The following DIDO1 variants were observed in gnomAD, a reference collection of about 807,000 sequenced individuals.
DIDO1 encodes the protein death-inducer obliterator 1.
Under a neutral mutation model 99.4 loss-of-function variants are expected in DIDO1, and 16 were observed. The observed-to-expected ratio is 0.16, with a 90% CI of 0.11 to 0.24. The LOEUF (loss-of-function observed/expected upper bound fraction) is 0.24, where lower values mean the gene tolerates loss of function less well. DIDO1 is among the 10% of genes least tolerant of loss of function. DIDO1 has a pLI of 1.00. For missense variants in DIDO1, 2,996 were observed against 3,014.0 expected, an observed-to-expected ratio of 0.99 and a Z score of 0.14; for synonymous variants, 1,366 against 1,239.1, an observed-to-expected ratio of 1.10 and a Z score of -2.15.
rs1442666857 is a variant in DIDO1, at chr20:62,896,775, G to A, written c.1810C>T (p.Pro604Ser). ...CTGGCAGCTGAAGCACCACTCGATG[G>A]GGTAGCGGAGAGCCATGGCCTCTTG... is the stretch of plus-strand genomic sequence containing the variant. Reference protein sequence around the residue: ...IPKRPWLSATPSSGASAARQA... With the variant: ...IPKRPWLSATSSSGASAARQA... Residue 604 changes from proline to serine, a missense_variant, in exon 7 of 16, where the codon CCA becomes TCA. Physicochemically the swap from Pro to Ser is moderately conservative, Grantham distance 74 (BLOSUM62 -1). Transcript: ENST00000395343. The surrounding 1 kb of genome is among the most constrained non-coding windows in gnomAD (Gnocchi z 4.4). The A allele has an allele frequency of 6.2e-7, 1 of 1,614,110 alleles. No homozygotes were observed. Among genetic ancestry groups the A allele is most frequent in the East Asian group, 2.2e-5 (1 of 44,884 alleles).
intron 1 of DIDO1, among the ~76,000 whole-genome samples, chr20:62,917,121 G>GGCTCAA (rs1374542884): frequency 1.3e-5 from 2 of 152,104 alleles, no homozygotes; most frequent in African/African-American, 2.4e-5. Flanking sequence ...ACCACCGCCA[G>GGCTCAA]GCTCAAAGCG....
Position 62,879,068 on chromosome 20 carries a change from G to A in DIDO1, c.*165C>T. On this transcript the variant is annotated 3_prime_UTR_variant, in exon 16 of 16. Coordinates refer to ENST00000395343, the MANE Select transcript of DIDO1 (RefSeq NM_001193369.2). The surrounding 1 kb of genome is among the most constrained non-coding windows in gnomAD (Gnocchi z 6.3). ...GTTTTTTTAAAAAAGCATCAGAATT[G>A]TAAAGATGTGAAATCTTGTAAGAAA... The A allele has an allele frequency of 1.7e-6, 1 of 571,622 alleles. No homozygotes were observed. The highest frequency in any genetic ancestry group is 2.7e-6 in the Non-Finnish European group (1 of 367,394). 35.4% of individuals were successfully genotyped at this position (571,622 alleles called of 1,614,324 possible). A position where few individuals can be genotyped will look rare whatever the true frequency, so the allele number is the denominator to read the frequency against.
In DIDO1 at chr20:62,881,019, G is replaced by A. The variant is rs1235489188; in HGVS notation, c.4937C>T (p.Thr1646Met). ...AEPGEGTRPA[T>M]VGDSSARPAR... is the part of the protein sequence containing the mutation. ...AGGCCTGGCCGAGCTGTCTCCAACC[G>A]TGGCGGGGCGGGTGCCCTCCCCAGG... The change falls in exon 16 of 16, where the codon ACG becomes ATG. Residue 1646 changes from threonine (T) to methionine (M), a missense_variant. Thr to Met is a moderately conservative substitution (Grantham distance 81). This residue lies in a region of DIDO1 where 1,562 missense variants were observed against 1,412.6 expected (regional missense o/e 1.11). Transcript: ENST00000395343. The surrounding 1 kb of genome is among the most constrained non-coding windows in gnomAD (Gnocchi z 8.3). 1.4e-5 allele frequency: 23 copies of A among 1,605,230 alleles called. No homozygotes were observed. The highest frequency in any genetic ancestry group is 4.5e-5 in the East Asian group (2 of 44,806).
At position 62,909,733 on chromosome 20, in the gene DIDO1, G is replaced by C; in HGVS notation, c.1127C>G (p.Pro376Arg). ...IKGRIEKAAN[P>R]SGKKKLKIFQ... ...GATCTTGAGTTTCTTCTTGCCACTT[G>C]GATTTGCAGCTTTCTCAATTCTACC... Residue 376 changes from proline (P) to arginine (R), a missense_variant, in exon 4 of 16, where the codon CCA (proline) becomes CGA (arginine). Pro to Arg is a moderately radical substitution (Grantham distance 103, BLOSUM62 -2). Transcript: ENST00000395343. 5 of 1,613,832 alleles carry C rather than the reference G, an allele frequency of 3.1e-6. No individual in the cohort carries two copies. Among genetic ancestry groups the C allele is most frequent in the Non-Finnish European group, 4.2e-6 (5 of 1,179,732 alleles).
At chr20:62,891,833 G>A (rs2064405807) in intron 14 of DIDO1, among the ~76,000 whole-genome samples, 154 bp downstream of exon 14, 1 of 151,042 alleles carries the variant, frequency 6.6e-6, no homozygotes, top group Non-Finnish European at 1.5e-5. Context: ...TCGGCTCACT[G>A]CAAAACTTAA....
rs1317602967 is a variant in DIDO1 at position 62,880,497 on chromosome 20, T to A, written c.5459A>T (p.Tyr1820Phe). The A allele has an allele frequency of 6.2e-7, 1 of 1,612,960 alleles. No individual in the cohort carries two copies. Among genetic ancestry groups the A allele is most frequent in the Non-Finnish European group, 8.5e-7 (1 of 1,179,986 alleles). ...GGGTGAGGGGCCTCTGCTGTCCCCA[T>A]AAGGAGGTGGCCCATGTTGCCCCGA... The part of the protein sequence containing the change: ...LFSGQHGPPP[Y>F]GDSRGPSPSY... The change falls in exon 16 of 16, where the codon TAT becomes TTT. Residue 1820 changes from tyrosine (Y) to phenylalanine (F), a missense_variant. Physicochemically the swap from Tyr to Phe is conservative, Grantham distance 22. This residue lies in a region of DIDO1 where 1,562 missense variants were observed against 1,412.6 expected (regional missense o/e 1.11). Coordinates refer to ENST00000395343, the MANE Select transcript of DIDO1 (RefSeq NM_001193369.2).
rs1474238745 is a variant in DIDO1, at chr20:62,906,075, T to C, written c.1400A>G (p.His467Arg). The C allele has an allele frequency of 6.2e-7, 1 of 1,611,896 alleles. No individual in the cohort carries two copies. The highest frequency in any genetic ancestry group is 1.3e-5 in the African/African-American group (1 of 74,758). The change falls in exon 6 of 16, where the codon CAC (histidine) becomes CGC (arginine). Residue 467 changes from histidine to arginine, a missense_variant. His to Arg is a conservative substitution (Grantham distance 29, BLOSUM62 0). Transcript: ENST00000395343. The part of the protein sequence containing the change: ...AQAGIKISSV[H>R]KRPAPEKKET... ...TTTTTTTTCTGGAGCTGGTCTCTTG[T>C]GCACAGAAGAGATTTTAATACCTGC...
chr20:62,879,814 A>G lies in DIDO1; in HGVS notation c.6142T>C (p.Ser2048Pro). ...CCGGGCGCACTGGAGGAGAGCGCGGAGGGCGGCCCGGCCTCCTCCCAGCGG... is the reference window on the plus strand; with the variant it reads ...CCGGGCGCACTGGAGGAGAGCGCGGGGGGCGGCCCGGCCTCCTCCCAGCGG... ...KDRWEEAGPP[S>P]ALSSSAPGQG... Residue 2048 changes from serine (S) to proline (P), a missense_variant, in exon 16 of 16, where the codon TCC becomes CCC. Ser to Pro is a moderately conservative substitution (Grantham distance 74, BLOSUM62 -1). Coordinates refer to ENST00000395343, the MANE Select transcript of DIDO1 (RefSeq NM_001193369.2). This position sits in a 1 kb window ranked among gnomAD's most constrained non-coding sequence, Gnocchi z 6.3. The G allele has an allele frequency of 6.2e-7, 1 of 1,609,444 alleles. No homozygotes were observed. Among genetic ancestry groups the G allele is most frequent in the Non-Finnish European group, 8.5e-7 (1 of 1,178,986 alleles).
At chr20:62,886,191 G>C (rs2064295212) in intron 15 of DIDO1, among the ~76,000 whole-genome samples, 1 of 152,242 alleles carries the variant, frequency 6.6e-6, no homozygotes, top group African/African-American at 2.4e-5. Context: ...GGAGCAACCA[G>C]GGACCAGGGC....
intron 1 of DIDO1, among the ~76,000 whole-genome samples, chr20:62,922,494 C>T (rs755644232): frequency 2.6e-5 from 4 of 151,986 alleles, no homozygotes; most frequent in African/African-American, 7.3e-5. Context: ...CAGCTGCAAA[C>T]GATAGCGGGG....
At chr20:62,902,537 AAC>A (rs2064706760) in intron 6 of DIDO1, among the ~76,000 whole-genome samples, 1 of 152,160 alleles carries the variant, frequency 6.6e-6, no homozygotes, top group East Asian at 1.9e-4. Flanking sequence ...ATTCCTGCAA[AAC>A]ACTCTTAGGT....
At chr20:62,884,105 CCACGCT>C (rs1454325431) in intron 15 of DIDO1, among the ~76,000 whole-genome samples, 1 of 152,212 alleles carries the variant, frequency 6.6e-6, no homozygotes, top group Admixed American at 6.5e-5. Flanking sequence ...AGGACAGACA[CCACGCT>C]CACGTAAAGC....
chr20:62,925,683 A>C (rs933341814), intron 1 of DIDO1, among the ~76,000 whole-genome samples: 1 of 152,260 alleles, frequency 6.6e-6, no homozygotes, highest in African/African-American at 2.4e-5. Flanking sequence ...AACCGCGAGA[A>C]GGAGCCCCGG....
At chr20:62,923,121 G>T (rs925461264) in intron 1 of DIDO1, among the ~76,000 whole-genome samples, 2 of 152,066 alleles carry the variant, frequency 1.3e-5, no homozygotes, top group African/African-American at 4.8e-5. Flanking sequence ...CTGGCCTCTG[G>T]CCTCAGCCTC....
chr20:62,905,017 T>TA, intron 6 of DIDO1: 2 of 988,680 alleles, frequency 2.0e-6, no homozygotes, highest in Non-Finnish European at 2.4e-6. Context: ...GAATTGAAAA[T>TA]AGTTTTATAG....
chr20:62,882,618 G>A lies in DIDO1; in HGVS notation c.3542-204C>T, dbSNP rs375073242. On this transcript the variant is annotated intron_variant, in intron 15 of 15. Transcript: ENST00000395343. ...AACGCACCGCCCCGGGAACGAGCTG[G>A]GAACACACCGTGCCAGGAATGCACC... Among the ~76,000 whole-genome samples, 9 of 96,574 alleles carry A rather than the reference G, an allele frequency of 9.3e-5. 1 individual carries two copies. Among genetic ancestry groups the A allele is most frequent in the East Asian group, 5.4e-4 (2 of 3,670 alleles). The allele number at this position is 96,574 out of a possible 152,430, so 63.4% of individuals were successfully genotyped here.
intron 15 of DIDO1, 194 bp downstream of exon 15, chr20:62,890,766 G>T: frequency 7.0e-7 from 1 of 1,435,316 alleles, no homozygotes. Flanking sequence ...AATTTATGCT[G>T]TGAATCAGGG....
rs2064490725 is a variant in DIDO1, at chr20:62,895,178, A to G, written c.2215-13T>C. On this transcript the variant is annotated splice_polypyrimidine_tract_variant and intron_variant, in intron 8 of 15. Transcript: ENST00000395343. ...GATGGAAGAGTCCCTATAAACAAGT[A>G]TTTTTCATTTACTCAAATAATATTC... 1 of 1,587,778 alleles carries G rather than the reference A, an allele frequency of 6.3e-7. No individual in the cohort carries two copies. Among genetic ancestry groups the G allele is most frequent in the Non-Finnish European group, 8.6e-7 (1 of 1,157,608 alleles).
intron 8 of DIDO1, among the ~76,000 whole-genome samples, chr20:62,895,945 GCTTGTAC>G (rs1279218186): frequency 2.0e-5 from 3 of 152,218 alleles, no homozygotes; most frequent in African/African-American, 7.2e-5. Context: ...GAAGCGACTG[GCTTGTAC>G]CTTTACAGCA....
Sources: allele counts gnomAD v4.1 joint callset (sites outside exome capture counted in the v4.1 genomes callset), GRCh38; gene constraint gnomAD v4.1.1; regional missense constraint gnomAD v4.1.1; non-coding constraint Gnocchi (gnomAD v3.1); transcripts MANE v1.5; gene names NCBI Gene and HGNC (gene_info 2026-07-23, HGNC 2026-07-21).